The following DCDC2C variants were observed in gnomAD, a reference collection of about 807,000 sequenced individuals.
DCDC2C encodes doublecortin domain containing 2C.
A neutral mutation model predicts 45.0 loss-of-function variants in DCDC2C; 44 were observed. The observed-to-expected ratio is 0.98, with a 90% CI of 0.77 to 1.26. The LOEUF (loss-of-function observed/expected upper bound fraction) is 1.26, where lower values mean the gene tolerates loss of function less well. Among genes scored for constraint, DCDC2C ranks in the 50% most tolerant of loss-of-function variants. DCDC2C has a pLI of 0.00. For missense variants in DCDC2C, 447 were observed against 468.9 expected (o/e 0.95, Z 0.43); for synonymous variants, 187 against 178.8 (o/e 1.05, Z -0.37).
rs1672358413 is a variant in DCDC2C, at chr2:3,847,293, A to G, written c.*110A>G. The G allele has an allele frequency of 1.4e-6, 1 of 706,118 alleles. No individual in the cohort carries two copies. The allele number at this position is 706,118 out of a possible 1,614,324, so 43.7% of individuals were successfully genotyped here. ...AAAATCACATGTGGGGTGAAACTAA[A>G]GCCCCACACAGTGGTGTCTTCTCGA... is the stretch of plus-strand genomic sequence containing the variant. On this transcript the variant is annotated 3_prime_UTR_variant, in exon 11 of 11. Coordinates refer to ENST00000399143, the MANE Select transcript of DCDC2C (RefSeq NM_001287444.2).
At position 3,743,991 on chromosome 2, in the gene DCDC2C, ACT is replaced by A; in HGVS notation, c.545+1946_545+1947del. Among the ~76,000 whole-genome samples, 5 of 152,060 alleles carry A rather than the reference ACT, an allele frequency of 3.3e-5. 1 individual carries two copies. In the South Asian group the frequency reaches 1.0e-3, roughly 32 times the overall value. On this transcript the variant is annotated intron_variant, in intron 4 of 10. Transcript: ENST00000399143. ...GCCTGAGGCAGGAGAATCTAAATGGACTCTAAAAATGGGAGAAGGACTCTAAA... is the reference window on the plus strand; with the variant it reads ...GCCTGAGGCAGGAGAATCTAAATGGACTAAAAATGGGAGAAGGACTCTAAA...
At chr2:3,790,896 C>T (rs766437676) in intron 10 of DCDC2C, among the ~76,000 whole-genome samples, 1 of 152,092 alleles carries the variant, frequency 6.6e-6, no homozygotes, top group Non-Finnish European at 1.5e-5. Context: ...ATCACGAGGT[C>T]AGGAGATCGA....
chr2:3,779,096 A>G (rs897898460), intron 9 of DCDC2C, among the ~76,000 whole-genome samples: 2 of 152,196 alleles, frequency 1.3e-5, no homozygotes, highest in Non-Finnish European at 2.9e-5. Context: ...TTTTAATCAC[A>G]TCTACACTTG....
At chr2:3,708,173 T>C (rs1668116155) in intron 1 of DCDC2C, among the ~76,000 whole-genome samples, 1 of 152,198 alleles carries the variant, frequency 6.6e-6, no homozygotes, top group African/African-American at 2.4e-5. Context: ...TGGGTTTTTG[T>C]TCCGACCTTA....
Position 3,722,113 on chromosome 2 carries a change from C to T in DCDC2C, c.340-4890C>T, listed in dbSNP as rs147435437. 6.6e-5 allele frequency among the ~76,000 whole-genome samples: 10 copies of T among 152,340 alleles called. No homozygotes were observed. In the East Asian group the frequency reaches 1.9e-3, roughly 29 times the overall value. On this transcript the variant is annotated intron_variant, in intron 2 of 10. Coordinates refer to ENST00000399143, the MANE Select transcript of DCDC2C (RefSeq NM_001287444.2). ...CAACAACTTTATGAGGTGTGCACTA[C>T]TGCTATTAGCATTGCATGCAGGAGG...
chr2:3,835,463 C>T (rs1165280413), intron 10 of DCDC2C, among the ~76,000 whole-genome samples: 1 of 152,194 alleles, frequency 6.6e-6, no homozygotes, highest in Non-Finnish European at 1.5e-5. Context: ...AAATAAATGA[C>T]ATCAGGCGAC....
chr2:3,720,412 C>A (rs912308011), intron 2 of DCDC2C, among the ~76,000 whole-genome samples: 1 of 152,106 alleles, frequency 6.6e-6, no homozygotes, highest in Non-Finnish European at 1.5e-5. Context: ...GGACACCTGC[C>A]GAGGAAGAGG....
At chr2:3,778,951 A>G (rs1670432689) in intron 9 of DCDC2C, 67 bp downstream of exon 9, 1 of 1,426,102 alleles carries the variant, frequency 7.0e-7, no homozygotes, top group Non-Finnish European at 9.6e-7. Flanking sequence ...AACAGAGCTC[A>G]CGTTTGGTGG....
At chr2:3,802,763 A>G (rs1671144865) in intron 10 of DCDC2C, among the ~76,000 whole-genome samples, 1 of 152,166 alleles carries the variant, frequency 6.6e-6, no homozygotes, top group Non-Finnish European at 1.5e-5. Flanking sequence ...TTGGGAGAAG[A>G]CGAACTGTTA....
chr2:3,716,206 T>C (rs76790066), intron 2 of DCDC2C, among the ~76,000 whole-genome samples: 2,825 of 152,182 alleles, frequency 0.019, 44 homozygotes, highest in South Asian at 0.031. Flanking sequence ...TGGGAGTCAG[T>C]GTGGGCAGAA....
At chr2:3,817,606 T>C (rs11675030) in intron 10 of DCDC2C, among the ~76,000 whole-genome samples, 113,003 of 152,192 alleles carry the variant, frequency 0.74, 42,443 homozygotes, top group East Asian at 0.91. Context: ...AGCTGCCACA[T>C]GCAGACATGA....
chr2:3,710,792 G>T (rs1246454655), intron 2 of DCDC2C, among the ~76,000 whole-genome samples: 3 of 152,148 alleles, frequency 2.0e-5, no homozygotes, highest in Non-Finnish European at 4.4e-5. Flanking sequence ...CTGCATCCAT[G>T]TTCTTTTTTA....
chr2:3,778,952 C>T (rs1027550133), intron 9 of DCDC2C, 68 bp downstream of exon 9: 20 of 1,428,330 alleles, frequency 1.4e-5, no homozygotes, highest in Middle Eastern at 1.7e-4. Context: ...ACAGAGCTCA[C>T]GTTTGGTGGT....
intron 10 of DCDC2C, among the ~76,000 whole-genome samples, chr2:3,837,020 G>T (rs1672097207): frequency 1.3e-5 from 2 of 152,166 alleles, no homozygotes; most frequent in East Asian, 3.9e-4. Context: ...TTAAGGACCT[G>T]CTGTCTACAG....
intron 4 of DCDC2C, 128 bp downstream of exon 4, chr2:3,742,176 C>T (rs1669236027): frequency 2.7e-6 from 3 of 1,117,608 alleles, no homozygotes; most frequent in East Asian, 5.6e-5. Flanking sequence ...TTTAATTCTT[C>T]AAGCAGATAG....
chr2:3,837,168 T>C (rs1191992928), intron 10 of DCDC2C, among the ~76,000 whole-genome samples: 2 of 152,170 alleles, frequency 1.3e-5, no homozygotes, highest in Non-Finnish European at 2.9e-5. Context: ...ACAAGTACAC[T>C]GGCCAATCTC....
intron 6 of DCDC2C, among the ~76,000 whole-genome samples, chr2:3,755,408 T>A (rs1409927636): frequency 3.3e-5 from 5 of 152,134 alleles, no homozygotes; most frequent in Non-Finnish European, 5.9e-5. Flanking sequence ...TATGTATGTA[T>A]TTAAATACAT....
rs191585672 is a variant in DCDC2C, at chr2:3,772,542, C to A, written c.954+3131C>A. ...CAGAGGAGGACAAAATGGAGCACGG[C>A]CTCACTGAATGTGGGCAGGGAGGGT... On this transcript the variant is annotated intron_variant, in intron 8 of 10. Transcript: ENST00000399143. 2.0e-5 allele frequency among the ~76,000 whole-genome samples: 3 copies of A among 152,150 alleles called. No homozygotes were observed. The South Asian group carries it at 6.2e-4, about 32-fold the overall frequency.
intron 10 of DCDC2C, among the ~76,000 whole-genome samples, chr2:3,836,252 A>T (rs1173791007): frequency 1.3e-5 from 2 of 152,252 alleles, no homozygotes; most frequent in East Asian, 3.9e-4. Flanking sequence ...ATGACACGAT[A>T]TCAGCTATAC....
Sources: allele counts gnomAD v4.1 joint callset (sites outside exome capture counted in the v4.1 genomes callset), GRCh38; gene constraint gnomAD v4.1.1; transcripts MANE v1.5; gene names NCBI Gene and HGNC (gene_info 2026-07-23, HGNC 2026-07-21).